LINGO2: variants seen among roughly 807,000 people sequenced by gnomAD.
The protein encoded by LINGO2 is leucine rich repeat and Ig domain containing 2.
LINGO2 carries 14 observed loss-of-function variants against 30.6 expected under a neutral mutation model. That is an observed-to-expected ratio of 0.46 (90% CI 0.30 to 0.72). LINGO2 has a LOEUF of 0.72. LINGO2 is among the 30% of genes least tolerant of loss of function. The pLI is 0.07. For synonymous variants in LINGO2, 317 were observed against 288.5 expected (o/e 1.10, Z -1.00); for missense variants, 729 against 751.7 (o/e 0.97, Z 0.35).
At chr9:28,452,891 G>A (rs781736516) in intron 2 of LINGO2, among the ~76,000 whole-genome samples, 5 of 151,788 alleles carry the variant, frequency 3.3e-5, no homozygotes, top group East Asian at 1.9e-4. Context: ...GAATAGGCAC[G>A]AGATAGTCAT....
At chr9:28,382,492 G>A (rs1821394289) in intron 2 of LINGO2, among the ~76,000 whole-genome samples, 1 of 152,122 alleles carries the variant, frequency 6.6e-6, no homozygotes, top group Non-Finnish European at 1.5e-5. Context: ...CACACAGGGA[G>A]AGTTAGCTGA....
chr9:28,723,849 G>T, the LINGO2 span, among the ~76,000 whole-genome samples: 14 of 152,020 alleles, frequency 9.2e-5, no homozygotes, highest in South Asian at 2.1e-4. Flanking sequence ...CTGACTTTGG[G>T]GCTACATTGT....
intron 1 of LINGO2, among the ~76,000 whole-genome samples, chr9:28,550,758 T>G (rs16913299): frequency 6.6e-6 from 1 of 151,872 alleles, no homozygotes; most frequent in Non-Finnish European, 1.5e-5. Context: ...GAACTAAAGC[T>G]ACATGCATCA....
intron 2 of LINGO2, among the ~76,000 whole-genome samples, chr9:28,430,106 G>A (rs999682360): frequency 7.8e-5 from 3 of 38,618 alleles, no homozygotes; most frequent in East Asian, 1.6e-3. Flanking sequence ...ACGCGCGCGC[G>A]CGCGTGTGTG....
intron 3 of LINGO2, among the ~76,000 whole-genome samples, chr9:28,324,695 A>G (rs957111853): frequency 5.9e-5 from 9 of 152,104 alleles, no homozygotes; most frequent in African/African-American, 1.9e-4. Flanking sequence ...GTTACCCTAT[A>G]TGGTCTAAAA....
At chr9:28,029,047 G>C (rs568335436) in intron 4 of LINGO2, among the ~76,000 whole-genome samples, 1 of 152,272 alleles carries the variant, frequency 6.6e-6, no homozygotes, top group Non-Finnish European at 1.5e-5. Context: ...GGCTAGATGA[G>C]AGTGAGTATA....
chr9:28,442,345 T>C (rs10491888), intron 2 of LINGO2, among the ~76,000 whole-genome samples: 22,909 of 151,908 alleles, frequency 0.15, 1,929 homozygotes, highest in East Asian at 0.36. Flanking sequence ...CTTCTCTGAT[T>C]GTTTATGCTA....
the LINGO2 span, among the ~76,000 whole-genome samples, chr9:29,020,269 T>C: frequency 1.1e-4 from 16 of 152,308 alleles, no homozygotes; most frequent in East Asian, 1.7e-3. Flanking sequence ...ATGGACAGAA[T>C]TGCACAGGCA....
the LINGO2 span, among the ~76,000 whole-genome samples, chr9:28,755,723 C>T: frequency 6.6e-6 from 1 of 152,060 alleles, no homozygotes; most frequent in Non-Finnish European, 1.5e-5. Flanking sequence ...TTAAGATCTA[C>T]AGATCGTTTT....
At chr9:28,858,363 T>C in the LINGO2 span, among the ~76,000 whole-genome samples, 1 of 152,052 alleles carries the variant, frequency 6.6e-6, no homozygotes, top group Non-Finnish European at 1.5e-5. Flanking sequence ...CCCATCACCC[T>C]GGAAGATTTT....
the LINGO2 span, among the ~76,000 whole-genome samples, chr9:28,805,167 T>C: frequency 3.9e-5 from 6 of 152,160 alleles, no homozygotes; most frequent in African/African-American, 9.6e-5. Context: ...CATTCAGAAA[T>C]TTGCCATTAC....
At chr9:28,107,771 G>A (rs1322552721) in intron 4 of LINGO2, among the ~76,000 whole-genome samples, 1 of 152,102 alleles carries the variant, frequency 6.6e-6, no homozygotes. Flanking sequence ...CCTCATAAAT[G>A]ATTCATTTCT....
downstream of LINGO2, chr9:27,944,611 A>T (rs1204295238): frequency 6.6e-6 from 1 of 152,202 alleles, no homozygotes; most frequent in Non-Finnish European, 1.5e-5. Context: ...GAAAAACATC[A>T]AGGGTTCTAG....
the LINGO2 span, chr9:27,943,060 G>A: frequency 6.6e-6 from 1 of 151,966 alleles, no homozygotes; most frequent in Non-Finnish European, 1.5e-5. Flanking sequence ...GACATACATT[G>A]TAAAGAATGA....
the LINGO2 span, among the ~76,000 whole-genome samples, chr9:28,736,556 C>T: frequency 3.9e-5 from 6 of 151,966 alleles, no homozygotes; most frequent in African/African-American, 4.8e-5. Flanking sequence ...TTTGGGAGGT[C>T]GAGGCAGGCT....
At chr9:28,353,558 C>A (rs1365555956) in intron 3 of LINGO2, among the ~76,000 whole-genome samples, 2 of 150,738 alleles carry the variant, frequency 1.3e-5, no homozygotes, top group East Asian at 1.9e-4. Flanking sequence ...GTTGGTGGGA[C>A]TGTAAACTAG....
the LINGO2 span, among the ~76,000 whole-genome samples, chr9:29,019,658 A>G: frequency 6.6e-6 from 1 of 152,206 alleles, no homozygotes; most frequent in African/African-American, 2.4e-5. Flanking sequence ...GTCACTACAT[A>G]GCGACTGGCA....
At chr9:28,020,322 A>C (rs2119354621) in intron 4 of LINGO2, among the ~76,000 whole-genome samples, 1 of 152,286 alleles carries the variant, frequency 6.6e-6, no homozygotes, top group Non-Finnish European at 1.5e-5. Context: ...TGAGGTCAGG[A>C]GTTTGTGACC....
At chr9:29,002,093 C>G in the LINGO2 span, among the ~76,000 whole-genome samples, 1 of 151,926 alleles carries the variant, frequency 6.6e-6, no homozygotes, top group Non-Finnish European at 1.5e-5. Context: ...TTTCTTTCCC[C>G]TGTCTGAGAC....
Sources: allele counts gnomAD v4.1 joint callset (sites outside exome capture counted in the v4.1 genomes callset), GRCh38; gene constraint gnomAD v4.1.1; transcripts MANE v1.5; gene names NCBI Gene and HGNC (gene_info 2026-07-23, HGNC 2026-07-21).